The following DLG2 variants were observed in gnomAD, a reference collection of about 807,000 sequenced individuals.
The protein encoded by DLG2 is disks large homolog 2.
Under a neutral mutation model 132.5 loss-of-function variants are expected in DLG2, and 45 were observed. The observed-to-expected ratio is 0.34, with a 90% CI of 0.27 to 0.44. The LOEUF (loss-of-function observed/expected upper bound fraction) is 0.44. DLG2 is among the 20% of genes least tolerant of loss of function. The pLI is 1.00. For synonymous variants in DLG2, 424 were observed against 419.6 expected (o/e 1.01, Z -0.13); for missense variants, 1,045 against 1,196.9 (o/e 0.87, Z 1.87).
At chr11:84,374,898 C>G (rs1015678376) in intron 7 of DLG2, among the ~76,000 whole-genome samples, 2 of 152,120 alleles carry the variant, frequency 1.3e-5, no homozygotes, top group Non-Finnish European at 2.9e-5. Flanking sequence ...CTCATGCACC[C>G]CCTACTCCAA....
chr11:85,295,791 G>C (rs918301361), intron 3 of DLG2, among the ~76,000 whole-genome samples: 12 of 152,090 alleles, frequency 7.9e-5, no homozygotes, highest in Admixed American at 3.9e-4. Context: ...TGTTACCAAG[G>C]ATATTTTAAC....
intron 8 of DLG2, among the ~76,000 whole-genome samples, chr11:84,202,593 G>A (rs992694073): frequency 6.6e-6 from 1 of 152,160 alleles, no homozygotes; most frequent in Non-Finnish European, 1.5e-5. Flanking sequence ...AAAAGCAATT[G>A]AAACAAAAGC....
intron 14 of DLG2, among the ~76,000 whole-genome samples, chr11:83,960,517 C>T (rs2088341037): frequency 6.6e-6 from 1 of 151,668 alleles, no homozygotes; most frequent in African/African-American, 2.4e-5. Context: ...ATTTTGATTA[C>T]AAAATATATA....
intron 6 of DLG2, among the ~76,000 whole-genome samples, chr11:84,699,811 T>C (rs1565697676): frequency 6.6e-6 from 1 of 151,618 alleles, no homozygotes; most frequent in Admixed American, 6.6e-5. Context: ...TCATATAGGA[T>C]AGCTTCCAGA....
At chr11:83,944,830 A>G (rs1413053667) in intron 14 of DLG2, among the ~76,000 whole-genome samples, 1 of 152,246 alleles carries the variant, frequency 6.6e-6, no homozygotes. Flanking sequence ...AGGTCAGCCC[A>G]GAATAACTCC....
At chr11:85,122,940 G>GTATATATATTATATA (rs1555376276) in intron 5 of DLG2, among the ~76,000 whole-genome samples, 6 of 47,684 alleles carry the variant, frequency 1.3e-4, no homozygotes, top group East Asian at 1.6e-3. Context: ...ATGTGTGTCT[G>GTATATATATTATATA]TATATATATT....
In DLG2 at chr11:84,993,024, C is replaced by A. The variant is rs1284549430; in HGVS notation, c.357+118637G>T. Among the ~76,000 whole-genome samples the A allele has an allele frequency of 2.0e-5, 3 of 152,160 alleles. No homozygotes were observed. The East Asian group carries it at 5.8e-4, about 29-fold the overall frequency. On this transcript the variant is annotated intron_variant, in intron 6 of 27. Coordinates refer to ENST00000376104, the MANE Select transcript of DLG2 (RefSeq NM_001142699.3). The stretch of plus-strand genomic sequence containing the variant: ...ACAATAGCAAAGACTTGGAACCAAC[C>A]CAAATGCCCATCAATGATAGACTGG...
intron 3 of DLG2, among the ~76,000 whole-genome samples, chr11:85,511,440 TATTA>T (rs1043257147): frequency 3.4e-4 from 52 of 152,162 alleles, no homozygotes; most frequent in African/African-American, 1.2e-3. Context: ...AGATTTGAGT[TATTA>T]ATTTCAAGAA....
intron 6 of DLG2, among the ~76,000 whole-genome samples, chr11:84,718,842 A>C (rs2061496134): frequency 6.6e-6 from 1 of 152,218 alleles, no homozygotes; most frequent in African/African-American, 2.4e-5. Flanking sequence ...ATGAACACAC[A>C]AACCTTCAAC....
chr11:85,089,243 G>A (rs2068394592), intron 6 of DLG2, among the ~76,000 whole-genome samples: 1 of 152,004 alleles, frequency 6.6e-6, no homozygotes, highest in African/African-American at 2.4e-5. Context: ...GGTAGTGACT[G>A]CAGTACTCAA....
At chr11:83,749,981 T>C (rs1370900611) in intron 18 of DLG2, among the ~76,000 whole-genome samples, 2 of 152,176 alleles carry the variant, frequency 1.3e-5, no homozygotes, top group African/African-American at 4.8e-5. Context: ...ACATAATTCT[T>C]CAGGATCAGG....
chr11:83,781,194 A>C (rs568371628), intron 18 of DLG2, among the ~76,000 whole-genome samples: 48 of 152,234 alleles, frequency 3.2e-4, no homozygotes, highest in Non-Finnish European at 4.4e-4. Context: ...ATATCACCTT[A>C]TTAGCATGGC....
chr11:84,902,369 G>A (rs1202203326), intron 6 of DLG2, among the ~76,000 whole-genome samples: 3 of 152,232 alleles, frequency 2.0e-5, no homozygotes, highest in East Asian at 3.9e-4. Context: ...ATGCCTCTGA[G>A]GTTAAAATGG....
chr11:83,455,455 A>G lies in DLG2; in HGVS notation c.*4363T>C, dbSNP rs1331218062. ...ACACAAACTCAAAAAGGAGAGAAGA[A>G]AAGTCTGCCATCCCATTGGGAGTCA... On this transcript the variant is annotated 3_prime_UTR_variant, in exon 28 of 28. Coordinates refer to ENST00000376104, the MANE Select transcript of DLG2 (RefSeq NM_001142699.3). 6.6e-6 allele frequency: 1 copy of G among 152,636 alleles called. No individual in the cohort carries two copies. Among genetic ancestry groups the G allele is most frequent in the Non-Finnish European group, 1.5e-5 (1 of 68,084 alleles). 9.5% of individuals were successfully genotyped at this position (152,636 alleles called of 1,614,324 possible). A position where few individuals can be genotyped will look rare whatever the true frequency, so the allele number is the denominator to read the frequency against.
At chr11:83,634,888 G>A (rs1418618845) in intron 18 of DLG2, among the ~76,000 whole-genome samples, 1 of 152,124 alleles carries the variant, frequency 6.6e-6, no homozygotes, top group Non-Finnish European at 1.5e-5. Flanking sequence ...TGGTGCATAA[G>A]CAAAGTCTGG....
chr11:83,874,515 C>A (rs1272629498), intron 15 of DLG2, 27 bp from the exon 16 acceptor site: 3 of 1,540,864 alleles, frequency 1.9e-6, no homozygotes, highest in South Asian at 2.6e-5. Flanking sequence ...AAGAAACACA[C>A]ATCATTTATT....
intron 6 of DLG2, among the ~76,000 whole-genome samples, chr11:84,691,691 A>G (rs548011101): frequency 6.6e-6 from 1 of 151,508 alleles, no homozygotes; most frequent in African/African-American, 2.4e-5. Flanking sequence ...ATGGCAACCC[A>G]CACCATTAGA....
intron 7 of DLG2, among the ~76,000 whole-genome samples, chr11:84,455,569 G>C (rs1036792422): frequency 6.6e-6 from 1 of 151,004 alleles, no homozygotes; most frequent in African/African-American, 2.4e-5. Context: ...TTGCCCAAAT[G>C]CATTTTTAAA....
chr11:85,016,494 T>C (rs530939096), intron 6 of DLG2, among the ~76,000 whole-genome samples: 134 of 152,250 alleles, frequency 8.8e-4, no homozygotes, highest in African/African-American at 3.2e-3. Context: ...CCAATACCTT[T>C]GATTTCTTTT....
Sources: allele counts gnomAD v4.1 joint callset (sites outside exome capture counted in the v4.1 genomes callset), GRCh38; gene constraint gnomAD v4.1.1; transcripts MANE v1.5; gene names NCBI Gene and HGNC (gene_info 2026-07-23, HGNC 2026-07-21).